Variants in NRG3 observed in about 807,000 individuals in gnomAD.
The protein encoded by NRG3 is pro-neuregulin-3, membrane-bound isoform.
A neutral mutation model predicts 66.9 loss-of-function variants in NRG3; 31 were observed. The ratio of observed to expected loss-of-function variants is 0.46; its 90% confidence interval spans 0.35 to 0.63. The LOEUF is 0.63. Among genes scored for constraint, NRG3 ranks in the 20% least tolerant of loss-of-function variants. The pLI is 0.00. For synonymous variants in NRG3, 393 were observed against 359.4 expected (o/e 1.09, Z -1.06); for missense variants, 910 against 878.9 (o/e 1.04, Z -0.45).
chr10:82,467,007 A>G (rs1057033299), intron 2 of NRG3, among the ~76,000 whole-genome samples: 11 of 152,140 alleles, frequency 7.2e-5, no homozygotes, highest in African/African-American at 2.7e-4. Flanking sequence ...AGGATGTGCA[A>G]GCTGGTAATT....
intron 2 of NRG3, among the ~76,000 whole-genome samples, chr10:82,465,549 A>G (rs1840590878): frequency 6.6e-6 from 1 of 152,200 alleles, no homozygotes; most frequent in Non-Finnish European, 1.5e-5. Flanking sequence ...ACTAGAGCTG[A>G]AAAGCACTTG....
intron 1 of NRG3, among the ~76,000 whole-genome samples, chr10:82,007,402 G>A (rs950859499): frequency 2.6e-5 from 4 of 151,706 alleles, no homozygotes; most frequent in African/African-American, 7.3e-5. Flanking sequence ...TAGAGACGGG[G>A]TTTCACAATG....
At chr10:81,950,036 G>A (rs1309490019) in intron 1 of NRG3, among the ~76,000 whole-genome samples, 1 of 152,124 alleles carries the variant, frequency 6.6e-6, no homozygotes, top group Non-Finnish European at 1.5e-5. Flanking sequence ...CCTCCTGCTC[G>A]AAGACCAACT....
chr10:82,950,416 A>T (rs115706129), intron 4 of NRG3, among the ~76,000 whole-genome samples: 27 of 152,242 alleles, frequency 1.8e-4, no homozygotes, highest in African/African-American at 6.5e-4. Flanking sequence ...CAGGCTGATG[A>T]CATTGTTAGT....
intron 1 of NRG3, among the ~76,000 whole-genome samples, chr10:82,061,550 T>C (rs1403543117): frequency 3.3e-5 from 5 of 152,170 alleles, no homozygotes; most frequent in Non-Finnish European, 5.9e-5. Flanking sequence ...GCTCCCGTGC[T>C]GTGGTCATTG....
In NRG3 at chr10:82,890,451, A is replaced by T. The variant is rs529760822; in HGVS notation, c.1054+25014A>T. Among the ~76,000 whole-genome samples, 19 of 152,274 alleles carry T rather than the reference A, an allele frequency of 1.2e-4. No homozygotes were observed. In the South Asian group the frequency reaches 3.5e-3, roughly 28 times the overall value. ...TTTAGCATTGTATCACCCGAACAAA[A>T]CTGACTTAGACTGATTTATTGCATA... On this transcript the variant is annotated intron_variant, in intron 4 of 8. Transcript: ENST00000372141.
chr10:81,976,278 G>T (rs1297961143), intron 1 of NRG3, among the ~76,000 whole-genome samples: 1 of 152,146 alleles, frequency 6.6e-6, no homozygotes, highest in Non-Finnish European at 1.5e-5. Context: ...GTTGCTGGAG[G>T]TTAGCTAATA....
chr10:82,810,482 G>T (rs902609214), intron 3 of NRG3, among the ~76,000 whole-genome samples: 3 of 152,128 alleles, frequency 2.0e-5, no homozygotes, highest in Non-Finnish European at 4.4e-5. Flanking sequence ...GTGACTGAAG[G>T]CCAGGCACTG....
chr10:82,956,842 A>C (rs894063722), intron 5 of NRG3, among the ~76,000 whole-genome samples: 2 of 151,972 alleles, frequency 1.3e-5, no homozygotes, highest in South Asian at 2.1e-4. Flanking sequence ...TATTTTTAAC[A>C]ATAGGCTATA....
chr10:82,398,705 G>A lies in NRG3; in HGVS notation c.953+39837G>A, dbSNP rs375635384. On this transcript the variant is annotated intron_variant, in intron 2 of 8. Transcript: ENST00000372141. ...GTCACTTCCAAAAGGCCCAAGAAAT[G>A]TGCACATTTATAGCAAAGCAAGGGT... Among the ~76,000 whole-genome samples, 12 of 152,100 alleles carry A rather than the reference G, an allele frequency of 7.9e-5. No individual in the cohort carries two copies. In the East Asian group the frequency reaches 1.9e-3, roughly 25 times the overall value.
chr10:82,132,525 G>GATATATATATATCAT (rs1317557723), intron 1 of NRG3, among the ~76,000 whole-genome samples: 1 of 54,768 alleles, frequency 1.8e-5, no homozygotes, highest in Non-Finnish European at 3.8e-5. Context: ...TGATATATAT[G>GATATATATATATCAT]ATATATATAT....
intron 4 of NRG3, among the ~76,000 whole-genome samples, chr10:82,947,915 A>C (rs1203657190): frequency 6.6e-6 from 1 of 152,076 alleles, no homozygotes; most frequent in Non-Finnish European, 1.5e-5. Context: ...GTTAATGTTG[A>C]TAGATAAAGT....
intron 1 of NRG3, among the ~76,000 whole-genome samples, chr10:82,180,917 T>C (rs1189997564): frequency 6.6e-6 from 1 of 151,876 alleles, no homozygotes; most frequent in Non-Finnish European, 1.5e-5. Flanking sequence ...TGTTTTTGTT[T>C]GTTATGTTTG....
At chr10:82,922,198 C>T (rs914622065) in intron 4 of NRG3, among the ~76,000 whole-genome samples, 1 of 151,856 alleles carries the variant, frequency 6.6e-6, no homozygotes, top group Admixed American at 6.6e-5. Flanking sequence ...TTAACCAAGC[C>T]CTATGCACTG....
chr10:81,904,135 T>C (rs1172763341), intron 1 of NRG3, among the ~76,000 whole-genome samples: 1 of 151,696 alleles, frequency 6.6e-6, no homozygotes, highest in Non-Finnish European at 1.5e-5. Flanking sequence ...TCAGCCTCCC[T>C]AGTAGCTGGG....
At chr10:82,523,305 CTTTAGG>C (rs1334511785) in intron 2 of NRG3, among the ~76,000 whole-genome samples, 2 of 151,958 alleles carry the variant, frequency 1.3e-5, no homozygotes, top group African/African-American at 4.8e-5. Context: ...TATATGGTAA[CTTTAGG>C]TTTAGTAGTT....
intron 1 of NRG3, among the ~76,000 whole-genome samples, chr10:82,088,942 A>T (rs997205126): frequency 2.0e-5 from 3 of 152,108 alleles, no homozygotes; most frequent in Non-Finnish European, 4.4e-5. Context: ...AGTCAGAGAA[A>T]ATTATCATCC....
At chr10:82,157,585 A>C (rs970784360) in intron 1 of NRG3, among the ~76,000 whole-genome samples, 1 of 151,622 alleles carries the variant, frequency 6.6e-6, no homozygotes, top group Non-Finnish European at 1.5e-5. Context: ...TCAATTCAAC[A>C]TACCTATACA....
intron 4 of NRG3, among the ~76,000 whole-genome samples, chr10:82,906,579 A>G (rs1279740044): frequency 6.6e-6 from 1 of 152,198 alleles, no homozygotes; most frequent in African/African-American, 2.4e-5. Context: ...CTATTTCTAT[A>G]TTGCCAGATA....
Sources: gnomAD v4.1 joint callset for allele counts (sites outside exome capture counted in the v4.1 genomes callset) on GRCh38, gnomAD v4.1.1 for gene constraint, MANE v1.5 for transcripts, NCBI Gene and HGNC (gene_info 2026-07-23, HGNC 2026-07-21) for gene names.